RPS6KA5: variants seen among roughly 807,000 people sequenced by gnomAD.
RPS6KA5 encodes ribosomal protein S6 kinase A5, also known as ribosomal protein S6 kinase alpha-5.
RPS6KA5 carries 27 observed loss-of-function variants against 85.5 expected under a neutral mutation model. That is an observed-to-expected ratio of 0.32 (90% CI 0.23 to 0.44). The LOEUF (loss-of-function observed/expected upper bound fraction) is 0.44, where lower values mean the gene tolerates loss of function less well. Ranked by LOEUF, RPS6KA5 falls within the 20% of genes least tolerant of loss-of-function variation. The probability of loss-of-function intolerance (pLI) is 1.00; values close to 1 mark genes in which losing one functional copy is unlikely to be tolerated. For synonymous variants in RPS6KA5, 334 were observed against 348.2 expected (o/e 0.96, Z 0.46); for missense variants, 811 against 980.9 (o/e 0.83, Z 2.31).
chr14:90,858,946 T>C lies in RPS6KA5; in HGVS notation c.*13128A>G, dbSNP rs2140107908. 1 of 152,298 alleles carries C rather than the reference T, an allele frequency of 6.6e-6. No homozygotes were observed. The highest frequency in any genetic ancestry group is 2.4e-5 in the African/African-American group (1 of 41,572). The allele number at this position is 152,298 out of a possible 1,614,324, so 9.4% of individuals were successfully genotyped here. A position where few individuals can be genotyped will look rare whatever the true frequency, so the allele number is the denominator to read the frequency against. On this transcript the variant is annotated 3_prime_UTR_variant, in exon 17 of 17. Coordinates refer to ENST00000614987, the MANE Select transcript of RPS6KA5 (RefSeq NM_004755.4). ...CCTGAAATACTGGTACAGTATCTCCTTGAGGTGTCTGCCAATTGCAGACTC... is the reference window on the plus strand; with the variant it reads ...CCTGAAATACTGGTACAGTATCTCCCTGAGGTGTCTGCCAATTGCAGACTC...
rs920219205 is a variant in RPS6KA5 at position 90,875,267 on chromosome 14, C to T, written c.1930G>A (p.Gly644Arg). The change falls in exon 15 of 17, where the codon GGA becomes AGA. Residue 644 changes from glycine to arginine, a missense_variant. Transcript: ENST00000614987. ...GCTTCTCCTTCAAAGGAGAAATCTCCCTTTTTAATTTTCTTCATGATTTCC... is the reference window on the plus strand; with the variant it reads ...GCTTCTCCTTCAAAGGAGAAATCTCTCTTTTTAATTTTCTTCATGATTTCC... Reference protein sequence around the residue: ...AVEIMKKIKKGDFSFEGEAWK... With the variant: ...AVEIMKKIKKRDFSFEGEAWK... 8.7e-6 allele frequency: 14 copies of T among 1,613,988 alleles called. No homozygotes were observed. The highest frequency in any genetic ancestry group is 1.1e-5 in the Non-Finnish European group (13 of 1,179,898).
intron 16 of RPS6KA5, 144 bp from the exon 17 acceptor site, chr14:90,872,466 A>G (rs539693916): frequency 2.7e-5 from 29 of 1,072,072 alleles, no homozygotes; most frequent in African/African-American, 2.1e-4. Context: ...TAAAACCTTT[A>G]TATCTAAGTC....
chr14:91,052,380 A>G (rs903542747), intron 1 of RPS6KA5: 28 of 401,826 alleles, frequency 7.0e-5, no homozygotes, highest in African/African-American at 4.2e-4. Flanking sequence ...AGGCAGGAGA[A>G]TCACTTGAAC....
At chr14:91,043,918 C>T (rs2042696954) in intron 1 of RPS6KA5, among the ~76,000 whole-genome samples, 1 of 152,120 alleles carries the variant, frequency 6.6e-6, no homozygotes, top group Middle Eastern at 3.2e-3. Flanking sequence ...AATCAACTGA[C>T]CTTACGATAA....
At chr14:90,917,741 T>A (rs560156242) in intron 7 of RPS6KA5, among the ~76,000 whole-genome samples, 3 of 151,862 alleles carry the variant, frequency 2.0e-5, no homozygotes, top group South Asian at 2.1e-4. Context: ...TCCTTTTTTT[T>A]AAAAGAGATA....
At chr14:90,922,220 G>T (rs2140295309) in intron 6 of RPS6KA5, among the ~76,000 whole-genome samples, 1 of 152,246 alleles carries the variant, frequency 6.6e-6, no homozygotes, top group African/African-American at 2.4e-5. Context: ...CCTTTTCATT[G>T]ACCTCTTAGT....
At position 90,970,631 on chromosome 14, in the gene RPS6KA5, C is replaced by T. The variant is rs181385836; in HGVS notation, c.394+7675G>A. ...ATCACCACTAACAGAAACCAGAAAA[C>T]ATCAAAAGAAAAATTATTTTTACAG... On this transcript the variant is annotated intron_variant, in intron 3 of 16. Transcript: ENST00000614987. Among the ~76,000 whole-genome samples, 61 of 152,218 alleles carry T rather than the reference C, an allele frequency of 4.0e-4. 1 individual carries two copies. Among genetic ancestry groups the T allele is most frequent in the Non-Finnish European group, 7.6e-4 (52 of 67,992 alleles).
Position 90,861,889 on chromosome 14 carries a change from T to C in RPS6KA5, c.*10185A>G, listed in dbSNP as rs1330963765. The C allele has an allele frequency of 2.7e-5, 3 of 111,666 alleles. No homozygotes were observed. Among genetic ancestry groups the C allele is most frequent in the African/African-American group, 4.0e-5 (1 of 24,812 alleles). 6.9% of individuals were successfully genotyped at this position (111,666 alleles called of 1,614,324 possible). A position where few individuals can be genotyped will look rare whatever the true frequency, so the allele number is the denominator to read the frequency against. On this transcript the variant is annotated 3_prime_UTR_variant, in exon 17 of 17. Coordinates refer to ENST00000614987, the MANE Select transcript of RPS6KA5 (RefSeq NM_004755.4). ...CTGCAGCCTGGCGACAAAGACTCCA[T>C]CTCAAAAAAAAAAAAAAAAAAGGGG... is the stretch of plus-strand genomic sequence containing the variant.
intron 11 of RPS6KA5, 23 bp downstream of exon 11, chr14:90,900,085 T>C: frequency 3.9e-6 from 6 of 1,553,218 alleles, no homozygotes; most frequent in South Asian, 2.5e-5. Flanking sequence ...TAAGAAAGAA[T>C]ATTATATTAA....
At chr14:90,927,937 CTTTTTTTT>C (rs386382140) in intron 5 of RPS6KA5, among the ~76,000 whole-genome samples, 1 of 136,496 alleles carries the variant, frequency 7.3e-6, no homozygotes, top group Non-Finnish European at 1.6e-5. Flanking sequence ...CTTTTCTTTT[CTTTTTTTT>C]TTTTTTTTGA....
At chr14:91,060,246 C>G (rs911524194) in intron 1 of RPS6KA5, 86 bp downstream of exon 1, 3 of 976,908 alleles carry the variant, frequency 3.1e-6, no homozygotes, top group African/African-American at 3.5e-5. Flanking sequence ...GCTGCGGCCC[C>G]GCGCCCCCAG....
chr14:90,907,400 A>T (rs2035571406), intron 7 of RPS6KA5, among the ~76,000 whole-genome samples: 1 of 152,196 alleles, frequency 6.6e-6, no homozygotes, highest in Non-Finnish European at 1.5e-5. Context: ...AATGGGCATA[A>T]CATCAGTACT....
chr14:91,043,741 C>T lies in RPS6KA5; in HGVS notation c.103+16591G>A, dbSNP rs368315769. Reference sequence around the variant, plus strand: ...TGGATCCTATCTTTTCTGCCCACCCCGATACGCATTTCCCCTGGTTCACTA... The same window carrying T: ...TGGATCCTATCTTTTCTGCCCACCCTGATACGCATTTCCCCTGGTTCACTA... On this transcript the variant is annotated intron_variant, in intron 1 of 16. Transcript: ENST00000614987. Among the ~76,000 whole-genome samples the T allele has an allele frequency of 9.9e-5, 15 of 152,252 alleles. 1 individual carries two copies. The highest frequency in any genetic ancestry group is 2.1e-4 in the South Asian group (1 of 4,832).
chr14:90,897,429 G>A (rs116103520), intron 12 of RPS6KA5, among the ~76,000 whole-genome samples: 294 of 152,280 alleles, frequency 1.9e-3, no homozygotes, highest in African/African-American at 6.4e-3. Flanking sequence ...TACGTGAAAC[G>A]CATATCATGG....
At chr14:90,886,155 G>A (rs910980330) in intron 14 of RPS6KA5, among the ~76,000 whole-genome samples, 12 of 151,998 alleles carry the variant, frequency 7.9e-5, no homozygotes, top group South Asian at 4.1e-4. Flanking sequence ...AAAGAAGAGC[G>A]TGCACACTAG....
At chr14:91,017,113 C>T (rs2041535381) in intron 1 of RPS6KA5, among the ~76,000 whole-genome samples, 1 of 152,178 alleles carries the variant, frequency 6.6e-6, no homozygotes, top group Non-Finnish European at 1.5e-5. Context: ...CTTCTACTCA[C>T]CAAGGCTGAT....
At chr14:91,008,147 G>A (rs996770627) in intron 1 of RPS6KA5, among the ~76,000 whole-genome samples, 1 of 152,224 alleles carries the variant, frequency 6.6e-6, no homozygotes, top group Non-Finnish European at 1.5e-5. Context: ...TTTCAGCTAA[G>A]CTGCACAAAT....
chr14:90,965,869 G>T (rs1432981333), intron 3 of RPS6KA5, among the ~76,000 whole-genome samples: 1 of 152,134 alleles, frequency 6.6e-6, no homozygotes, highest in Non-Finnish European at 1.5e-5. Context: ...AATAGGAAAG[G>T]CTCAAAAGAA....
rs1475711086 is a variant in RPS6KA5, at chr14:90,978,593, T to C, written c.176-69A>G. 6 of 1,151,474 alleles carry C rather than the reference T, an allele frequency of 5.2e-6. No individual in the cohort carries two copies. In the African/African-American group the frequency reaches 9.4e-5, roughly 18 times the overall value. The allele number at this position is 1,151,474 out of a possible 1,614,324, so 71.3% of individuals were successfully genotyped here. On this transcript the variant is annotated intron_variant, in intron 2 of 16. Transcript: ENST00000614987. ...AGGCAAAATGGTAATTTAGTGCAAC[T>C]AAATTTATTTAATGCACAAAAAATA...
Sources: allele counts gnomAD v4.1 joint callset (sites outside exome capture counted in the v4.1 genomes callset), GRCh38; gene constraint gnomAD v4.1.1; transcripts MANE v1.5; gene names NCBI Gene and HGNC (gene_info 2026-07-23, HGNC 2026-07-21).